Variants in RFX3 observed in about 807,000 individuals in gnomAD.
RFX3 encodes the protein transcription factor RFX3.
In RFX3, 14 loss-of-function variants were observed where a neutral mutation model predicts 98.6. The observed-to-expected ratio is 0.14, with a 90% CI of 0.09 to 0.22. The LOEUF is 0.22. Among genes scored for constraint, RFX3 ranks in the 10% least tolerant of loss-of-function variants. RFX3 has a pLI of 1.00. For missense variants in RFX3, 639 were observed against 926.9 expected (o/e 0.69, Z 4.03); for synonymous variants, 383 against 328.4 (o/e 1.17, Z -1.80).
chr9:3,480,486 A>G (rs1849652546), intron 1 of RFX3, among the ~76,000 whole-genome samples: 1 of 152,200 alleles, frequency 6.6e-6, no homozygotes, highest in African/African-American at 2.4e-5. Flanking sequence ...CCCAAACTGA[A>G]AGGAAAGTGA....
At chr9:3,243,230 T>A (rs565015082) in intron 15 of RFX3, among the ~76,000 whole-genome samples, 32 of 151,678 alleles carry the variant, frequency 2.1e-4, no homozygotes, top group South Asian at 1.0e-3. Flanking sequence ...ATTTCACCAC[T>A]GCCAGAAAGC....
chr9:3,337,623 G>A (rs1011235567), intron 3 of RFX3, among the ~76,000 whole-genome samples: 2 of 152,206 alleles, frequency 1.3e-5, no homozygotes, highest in African/African-American at 4.8e-5. Flanking sequence ...ATGGCAGACA[G>A]TCTTTGGGAT....
intron 1 of RFX3, among the ~76,000 whole-genome samples, chr9:3,419,904 T>C (rs1843298417): frequency 6.6e-6 from 1 of 152,240 alleles, no homozygotes; most frequent in African/African-American, 2.4e-5. Flanking sequence ...GATGCAGAAC[T>C]GGCTCACATG....
chr9:3,286,285 C>T (rs1032215850), intron 7 of RFX3, among the ~76,000 whole-genome samples: 1 of 151,778 alleles, frequency 6.6e-6, no homozygotes, highest in South Asian at 2.1e-4. Context: ...TTGCAACTCA[C>T]ACAAACTCTA....
chr9:3,336,265 T>C (rs1833164844), intron 3 of RFX3, among the ~76,000 whole-genome samples: 1 of 152,128 alleles, frequency 6.6e-6, no homozygotes, highest in African/African-American at 2.4e-5. Context: ...TTAATAAGCA[T>C]CTATTCTAGC....
intron 15 of RFX3, among the ~76,000 whole-genome samples, chr9:3,238,287 T>G (rs1360153209): frequency 6.6e-6 from 1 of 152,168 alleles, no homozygotes; most frequent in Non-Finnish European, 1.5e-5. Context: ...GGCTTTGACG[T>G]CAGGTTGACA....
At chr9:3,525,228 G>A (rs1819142083) in intron 1 of RFX3, among the ~76,000 whole-genome samples, 1 of 152,078 alleles carries the variant, frequency 6.6e-6, no homozygotes, top group South Asian at 2.1e-4. Flanking sequence ...GGCCCCACAA[G>A]TGAACAACAA....
intron 1 of RFX3, chr9:3,524,487 G>C: frequency 3.1e-6 from 3 of 978,356 alleles, no homozygotes; most frequent in East Asian, 1.1e-4. Flanking sequence ...CACGTTTCAA[G>C]TTGAGAACCT....
At chr9:3,517,998 C>T (rs984637133) in intron 1 of RFX3, among the ~76,000 whole-genome samples, 1 of 152,198 alleles carries the variant, frequency 6.6e-6, no homozygotes, top group Non-Finnish European at 1.5e-5. Flanking sequence ...CAATGCATTA[C>T]CTTTTCTACG....
At chr9:3,366,657 CTTTTCTTTCTCT>C (rs1313969528) in intron 2 of RFX3, among the ~76,000 whole-genome samples, 1 of 140,502 alleles carries the variant, frequency 7.1e-6, no homozygotes, top group Non-Finnish European at 1.5e-5. Context: ...CTTTCCTTTC[CTTTTCTTTCTCT>C]TTCTCTTTCT....
intron 1 of RFX3, among the ~76,000 whole-genome samples, chr9:3,411,598 C>T (rs1842471862): frequency 6.6e-6 from 1 of 151,562 alleles, no homozygotes; most frequent in African/African-American, 2.4e-5. Context: ...ACCCCAGCCT[C>T]CCGAGTAGCT....
chr9:3,450,038 A>G (rs1183225417), intron 1 of RFX3, among the ~76,000 whole-genome samples: 1 of 152,234 alleles, frequency 6.6e-6, no homozygotes, highest in Non-Finnish European at 1.5e-5. Flanking sequence ...CTGTGGTTCT[A>G]CCAATCTGGT....
chr9:3,375,323 A>G (rs1444254873), intron 2 of RFX3, among the ~76,000 whole-genome samples: 1 of 152,130 alleles, frequency 6.6e-6, no homozygotes, highest in Non-Finnish European at 1.5e-5. Flanking sequence ...CTGCCATTTT[A>G]CTTTGATTCT....
intron 1 of RFX3, among the ~76,000 whole-genome samples, chr9:3,485,601 T>A (rs1850192805): frequency 6.6e-6 from 1 of 152,230 alleles, no homozygotes; most frequent in Admixed American, 6.5e-5. Context: ...ACGGAATTTG[T>A]AATCTCTCTC....
At chr9:3,451,819 G>T (rs1487052410) in intron 1 of RFX3, among the ~76,000 whole-genome samples, 3 of 151,012 alleles carry the variant, frequency 2.0e-5, no homozygotes, top group Admixed American at 2.0e-4. Flanking sequence ...AAAATAAAAA[G>T]ATGTATTTTA....
At chr9:3,398,000 T>C (rs1479868281) in intron 1 of RFX3, among the ~76,000 whole-genome samples, 5 of 152,200 alleles carry the variant, frequency 3.3e-5, no homozygotes, top group African/African-American at 1.2e-4. Context: ...ATGGGTTAGC[T>C]AATGCTCAGC....
intron 2 of RFX3, among the ~76,000 whole-genome samples, chr9:3,359,416 G>C (rs552576241): frequency 6.6e-6 from 1 of 152,138 alleles, no homozygotes; most frequent in South Asian, 2.1e-4. Flanking sequence ...AGTAAAGGTG[G>C]ATTGGAAAGC....
chr9:3,504,848 ATT>A lies in RFX3; in HGVS notation c.-9+20897_-9+20898del, dbSNP rs1394153093. On this transcript the variant is annotated intron_variant, in intron 1 of 16. Transcript: ENST00000617270. Reference sequence around the variant, plus strand: ...TATAAAATATGTATAAAATATATATATTATATATGATATAATATATATTATAT... The same window carrying A: ...TATAAAATATGTATAAAATATATATAATATATGATATAATATATATTATAT... 1.6e-3 allele frequency among the ~76,000 whole-genome samples: 132 copies of A among 83,876 alleles called. 2 individuals carry two copies. The highest frequency in any genetic ancestry group is 4.5e-3 in the East Asian group (12 of 2,638). The allele number at this position is 83,876 out of a possible 152,430, so 55.0% of individuals were successfully genotyped here.
rs1478665225 is a variant in RFX3, at chr9:3,301,634, T to C, written c.475-14A>G. The C allele has an allele frequency of 6.3e-7, 1 of 1,579,206 alleles. No homozygotes were observed. Among genetic ancestry groups the C allele is most frequent in the East Asian group, 2.3e-5 (1 of 44,312 alleles). On this transcript the variant is annotated splice_polypyrimidine_tract_variant and intron_variant, in intron 4 of 16. Transcript: ENST00000617270. Reference sequence around the variant, plus strand: ...CGCCATTTCAATCTGATAATAGATGTCATTAAAAAAAGGGCTCAAGACAAG... The same window carrying C: ...CGCCATTTCAATCTGATAATAGATGCCATTAAAAAAAGGGCTCAAGACAAG...
Sources: allele counts gnomAD v4.1 joint callset (sites outside exome capture counted in the v4.1 genomes callset), GRCh38; gene constraint gnomAD v4.1.1; transcripts MANE v1.5; gene names NCBI Gene and HGNC (gene_info 2026-07-23, HGNC 2026-07-21).